CXorf38: variants seen among roughly 807,000 people sequenced by gnomAD.
CXorf38 encodes the protein uncharacterized protein CXorf38.
CXorf38 carries 13 observed loss-of-function variants against 27.5 expected under a neutral mutation model. The ratio of observed to expected loss-of-function variants is 0.47; its 90% CI spans 0.31 to 0.75. CXorf38 has a LOEUF of 0.75. Ranked by LOEUF, CXorf38 falls within the 30% of genes least tolerant of loss-of-function variation. CXorf38 has a pLI of 0.05. For missense variants in CXorf38, 240 were observed against 253.2 expected, an observed-to-expected ratio of 0.95 and a Z score of 0.35; for synonymous variants, 100 against 99.8, an observed-to-expected ratio of 1.00 and a Z score of -0.01.
At chrX:40,631,788 G>C (rs902912661) in intron 5 of CXorf38, among the ~76,000 whole-genome samples, 2 of 112,011 alleles carry the variant, frequency 1.8e-5, no homozygotes, top group Non-Finnish European at 3.8e-5. Flanking sequence ...TCACGTTATC[G>C]TGAAGTAAGC....
At chrX:40,636,414 T>TA in intron 5 of CXorf38, 119 bp downstream of exon 5, 2 of 469,031 alleles carry the variant, frequency 4.3e-6, no homozygotes, top group Non-Finnish European at 7.1e-6. Flanking sequence ...CTTCTGGAAA[T>TA]TATTTAACTT....
intron 3 of CXorf38, among the ~76,000 whole-genome samples, chrX:40,638,688 G>C (rs1179239118): frequency 1.8e-5 from 2 of 111,923 alleles, no homozygotes; most frequent in East Asian, 5.5e-4. Context: ...GCAGAACAGG[G>C]AAGAGACTTT....
chrX:40,636,511 G>C, intron 5 of CXorf38, 22 bp downstream of exon 5: 1 of 1,118,632 alleles, frequency 8.9e-7, no homozygotes, highest in Non-Finnish European at 1.2e-6. Flanking sequence ...CTCACACAGA[G>C]CCTATAACAC....
chrX:40,629,614 GT>G lies in CXorf38; in HGVS notation c.*549del, dbSNP rs1376612591. ...CTGGGTGGTAGCAAGTTTTGTTGTT[GT>G]TTTTTGTTTTTTTGGGAGACAGAAT... On this transcript the variant is annotated 3_prime_UTR_variant, in exon 7 of 7. Coordinates refer to ENST00000327877, the MANE Select transcript of CXorf38 (RefSeq NM_144970.3). 1 of 111,308 alleles carries G rather than the reference GT, an allele frequency of 9.0e-6. No individual in the cohort carries two copies. The highest frequency in any genetic ancestry group is 1.9e-5 in the Non-Finnish European group (1 of 52,960). 9.2% of individuals were successfully genotyped at this position (111,308 alleles called of 1,213,427 possible). A position where few individuals can be genotyped will look rare whatever the true frequency, so the allele number is the denominator to read the frequency against.
rs190722364 is a variant in CXorf38, at chrX:40,631,433, G to A, written c.802-660C>T. Reference sequence around the variant, plus strand: ...AGCGATTCTCATGCCTCAGCCTCCTGAGTAACTGGGATTACAGGCACATGC... The same window carrying A: ...AGCGATTCTCATGCCTCAGCCTCCTAAGTAACTGGGATTACAGGCACATGC... On this transcript the variant is annotated intron_variant, in intron 5 of 6. Coordinates refer to ENST00000327877, the MANE Select transcript of CXorf38 (RefSeq NM_144970.3). 7.3e-3 allele frequency among the ~76,000 whole-genome samples: 805 copies of A among 109,908 alleles called. 7 individuals are homozygous for A. The highest frequency in any genetic ancestry group is 0.025 in the African/African-American group (754 of 30,214).
chrX:40,647,349 C>G lies in CXorf38; in HGVS notation c.172G>C (p.Ala58Pro), dbSNP rs1408794340. 21 of 1,127,871 alleles carry G rather than the reference C, an allele frequency of 1.9e-5. No homozygotes were observed. In the African/African-American group the frequency reaches 2.7e-4, roughly 14 times the overall value. 92.9% of individuals were successfully genotyped at this position (1,127,871 alleles called of 1,213,427 possible). A position where few individuals can be genotyped will look rare whatever the true frequency, so the allele number is the denominator to read the frequency against. ...LAAAPGLGPR[A>P]VCRGGSRCSP... ...CACCGTGAGCCGCCGCGGCAGACGGCGCGGGGCCCCAGGCCGGGGGCTGCG... is the reference window on the plus strand; with the variant it reads ...CACCGTGAGCCGCCGCGGCAGACGGGGCGGGGCCCCAGGCCGGGGGCTGCG... Residue 58 changes from alanine to proline, a missense_variant, in exon 1 of 7, where the codon GCC becomes CCC. By Grantham distance (27) the Ala-to-Pro change is conservative. Coordinates refer to ENST00000327877, the MANE Select transcript of CXorf38 (RefSeq NM_144970.3).
Position 40,628,313 on chromosome X carries a change from C to T in CXorf38, c.*1851G>A. 8.9e-6 allele frequency: 1 copy of T among 112,154 alleles called. No homozygotes were observed. The highest frequency in any genetic ancestry group is 1.9e-5 in the Non-Finnish European group (1 of 53,267). The allele number at this position is 112,154 out of a possible 1,213,427, so 9.2% of individuals were successfully genotyped here. A position where few individuals can be genotyped will look rare whatever the true frequency, so the allele number is the denominator to read the frequency against. Reference sequence around the variant, plus strand: ...AAACCCCTGCCCTCCACCCATTCTACAGATGACATCCTTGGTGGGCGGCTG... The same window carrying T: ...AAACCCCTGCCCTCCACCCATTCTATAGATGACATCCTTGGTGGGCGGCTG... On this transcript the variant is annotated 3_prime_UTR_variant, in exon 7 of 7. Coordinates refer to ENST00000327877, the MANE Select transcript of CXorf38 (RefSeq NM_144970.3).
At chrX:40,643,489 G>A in intron 2 of CXorf38, among the ~76,000 whole-genome samples, 1 of 110,465 alleles carries the variant, frequency 9.1e-6, no homozygotes, top group Non-Finnish European at 1.9e-5. Flanking sequence ...GCCTATTCTG[G>A]ATATTTCTTT....
rs749222891 is a variant in CXorf38, at chrX:40,643,065, C to T, written c.352-3937G>A. ...TGCTGGGATTACAGGGATGAACCACCGCGCCCAGCCACGCCCGGCTAATTT... is the reference window on the plus strand; with the variant it reads ...TGCTGGGATTACAGGGATGAACCACTGCGCCCAGCCACGCCCGGCTAATTT... On this transcript the variant is annotated intron_variant, in intron 2 of 6. Transcript: ENST00000327877. Among the ~76,000 whole-genome samples the T allele has an allele frequency of 1.1e-4, 12 of 109,999 alleles. 1 individual carries two copies. The highest frequency in any genetic ancestry group is 9.3e-3 in the Middle Eastern group (2 of 216).
At chrX:40,632,966 T>C (rs1286815170) in intron 5 of CXorf38, among the ~76,000 whole-genome samples, 2 of 111,970 alleles carry the variant, frequency 1.8e-5, no homozygotes, top group African/African-American at 6.5e-5. Flanking sequence ...TGGTCTACTG[T>C]TGGAGGTAAA....
In CXorf38 at chrX:40,631,254, T is replaced by TACACAC. The variant is rs56725827; in HGVS notation, c.802-487_802-482dup. On this transcript the variant is annotated intron_variant, in intron 5 of 6. Coordinates refer to ENST00000327877, the MANE Select transcript of CXorf38 (RefSeq NM_144970.3). ...ATATATGTGTGTATGTATATATATATACACACACACACACACACACACACA... is the reference window on the plus strand; with the variant it reads ...ATATATGTGTGTATGTATATATATATACACACACACACACACACACACACACACACA... Among the ~76,000 whole-genome samples the TACACAC allele has an allele frequency of 5.9e-3, 521 of 88,924 alleles. 3 individuals carry two copies. Among genetic ancestry groups the TACACAC allele is most frequent in the African/African-American group, 0.021 (491 of 23,534 alleles). 77.2% of individuals were successfully genotyped at this position (88,924 alleles called of 115,157 possible).
Position 40,637,022 on chromosome X carries a change from G to A in CXorf38, c.606C>T (p.Tyr202=). ...TGATTTTTACCTGTTCTATTCTGGA[G>A]TATACTGCCACAATCTCTGGGATGT... ...FKNIPEIVAV[Y]SRIEQLLTSD... Residue 202 remains tyrosine (Y), a synonymous_variant, in exon 4 of 7, where the codon TAC becomes TAT. Coordinates refer to ENST00000327877, the MANE Select transcript of CXorf38 (RefSeq NM_144970.3). 1 of 1,203,317 alleles carries A rather than the reference G, an allele frequency of 8.3e-7. No individual in the cohort carries two copies. Among genetic ancestry groups the A allele is most frequent in the Non-Finnish European group, 1.1e-6 (1 of 891,289 alleles).
chrX:40,637,377 T>C (rs111533395), intron 3 of CXorf38, among the ~76,000 whole-genome samples: 3,366 of 111,684 alleles, frequency 0.03, 64 homozygotes, highest in Admixed American at 0.07. Context: ...GCCCCGCAAG[T>C]TGGATCCACA....
intron 2 of CXorf38, among the ~76,000 whole-genome samples, chrX:40,643,435 C>G (rs1410248825): frequency 8.9e-6 from 1 of 111,980 alleles, no homozygotes; most frequent in Non-Finnish European, 1.9e-5. Context: ...CCTCATTCCC[C>G]AAAGCCCTGG....
chrX:40,631,252 TATAC>T (rs1384981742), intron 5 of CXorf38, among the ~76,000 whole-genome samples: 58 of 37,658 alleles, frequency 1.5e-3, no homozygotes, highest in African/African-American at 3.3e-3. Context: ...TGTATATATA[TATAC>T]ACACACACAC....
intron 2 of CXorf38, among the ~76,000 whole-genome samples, chrX:40,643,477 C>T (rs1215359181): frequency 9.0e-6 from 1 of 111,178 alleles, no homozygotes; most frequent in East Asian, 2.8e-4. Flanking sequence ...TTCTATAGAT[C>T]TGCCTATTCT....
rs979337606 is a variant in CXorf38, at chrX:40,628,611, G to A, written c.*1553C>T. ...TAAAAGGTATAGAAGAAGCATGAAC[G>A]AATGTGTGAATTTGTTGAAAGAAAA... On this transcript the variant is annotated 3_prime_UTR_variant, in exon 7 of 7. Coordinates refer to ENST00000327877, the MANE Select transcript of CXorf38 (RefSeq NM_144970.3). 5.3e-5 allele frequency: 6 copies of A among 112,457 alleles called. No individual in the cohort carries two copies. The highest frequency in any genetic ancestry group is 1.6e-4 in the African/African-American group (5 of 30,928). The allele number at this position is 112,457 out of a possible 1,213,427, so 9.3% of individuals were successfully genotyped here.
intron 5 of CXorf38, among the ~76,000 whole-genome samples, chrX:40,634,060 G>A (rs953974344): frequency 4.5e-5 from 5 of 111,647 alleles, no homozygotes; most frequent in African/African-American, 1.6e-4. Flanking sequence ...ATTTTAATGT[G>A]AGCCCACTTT....
rs768682705 is a variant in CXorf38, at chrX:40,631,293, GTA to G, written c.802-522_802-521del. On this transcript the variant is annotated intron_variant, in intron 5 of 6. Transcript: ENST00000327877. ...CACACACACACACACACACACACGT[GTA>G]TGTGTGTGTGTGTATATTTTTTGTT... Among the ~76,000 whole-genome samples, 725 of 101,954 alleles carry G rather than the reference GTA, an allele frequency of 7.1e-3. 6 individuals carry two copies. The highest frequency in any genetic ancestry group is 0.012 in the Non-Finnish European group (623 of 50,651). 88.5% of individuals were successfully genotyped at this position (101,954 alleles called of 115,157 possible).
Sources: gnomAD v4.1 joint callset for allele counts (sites outside exome capture counted in the v4.1 genomes callset) on GRCh38, gnomAD v4.1.1 for gene constraint, MANE v1.5 for transcripts, NCBI Gene and HGNC (gene_info 2026-07-23, HGNC 2026-07-21) for gene names.